Variants in ADGRL2 observed in about 807,000 individuals in gnomAD.
The protein encoded by ADGRL2 is calcium-independent alpha-latrotoxin receptor 2.
ADGRL2 carries 44 observed loss-of-function variants against 157.4 expected under a neutral mutation model. The observed-to-expected ratio is 0.28, with a 90% CI of 0.22 to 0.36. The LOEUF (loss-of-function observed/expected upper bound fraction) is 0.36. ADGRL2 is among the 10% of genes least tolerant of loss of function. ADGRL2 has a pLI of 1.00. For missense variants in ADGRL2, 1,510 were observed against 1,768.9 expected (o/e 0.85, Z 2.63); for synonymous variants, 585 against 624.7 (o/e 0.94, Z 0.95).
intron 1 of ADGRL2, among the ~76,000 whole-genome samples, chr1:81,330,049 T>C (rs1661168320): frequency 6.6e-6 from 1 of 152,130 alleles, no homozygotes; most frequent in Admixed American, 6.6e-5. Context: ...TAAATGGCAG[T>C]ATTTTCGGTC....
chr1:81,423,292 A>G (rs2077157499), intron 1 of ADGRL2, among the ~76,000 whole-genome samples: 2 of 152,230 alleles, frequency 1.3e-5, no homozygotes, highest in Admixed American at 1.3e-4. Context: ...ACTCATATTC[A>G]GGTCAAACTA....
intron 2 of ADGRL2, among the ~76,000 whole-genome samples, chr1:81,447,804 T>C (rs1009488285): frequency 2.6e-5 from 4 of 152,096 alleles, no homozygotes; most frequent in African/African-American, 7.2e-5. Context: ...CCCACCCAAA[T>C]CTCATGTTCA....
At chr1:81,695,753 G>A (rs577810251), upstream of ADGRL2, among the ~76,000 whole-genome samples, 1 of 151,778 alleles carries the variant, frequency 6.6e-6, no homozygotes, top group African/African-American at 2.4e-5. Context: ...GCTGGGAGGC[G>A]GAGGTTGCAG....
intron 2 of ADGRL2, among the ~76,000 whole-genome samples, chr1:81,559,992 T>A (rs921566768): frequency 2.0e-5 from 3 of 152,148 alleles, no homozygotes; most frequent in Admixed American, 6.6e-5. Context: ...TCTTAAAAGA[T>A]CAAAATATTA....
upstream of ADGRL2, among the ~76,000 whole-genome samples, chr1:81,797,351 C>T (rs1322427513): frequency 6.6e-6 from 1 of 152,074 alleles, no homozygotes; most frequent in Non-Finnish European, 1.5e-5. Context: ...AAACTCTAAT[C>T]ACAGGCAAAA....
chr1:81,640,209 G>A (rs2082191086), intron 3 of ADGRL2, among the ~76,000 whole-genome samples: 1 of 152,136 alleles, frequency 6.6e-6, no homozygotes, highest in African/African-American at 2.4e-5. Flanking sequence ...TGATAATGAG[G>A]AGGCCACCAT....
At chr1:81,969,450 G>C (rs1284297713) in intron 15 of ADGRL2, 63 bp downstream of exon 15, 1 of 1,073,346 alleles carries the variant, frequency 9.3e-7, no homozygotes, top group Non-Finnish European at 1.4e-6. Context: ...GGTGTGAGGT[G>C]ACATATGATA....
At chr1:81,940,624 C>T (rs1647548430) in intron 4 of ADGRL2, among the ~76,000 whole-genome samples, 1 of 151,562 alleles carries the variant, frequency 6.6e-6, no homozygotes, top group South Asian at 2.1e-4. Flanking sequence ...AGAAGGCCAA[C>T]ATTTAATCTT....
At chr1:81,632,404 C>T (rs1039533239) in intron 3 of ADGRL2, among the ~76,000 whole-genome samples, 1 of 152,118 alleles carries the variant, frequency 6.6e-6, no homozygotes, top group African/African-American at 2.4e-5. Flanking sequence ...AAGAAAATTT[C>T]AAACAGAGGG....
chr1:81,597,995 G>C lies in ADGRL2; in HGVS notation c.-143+17015G>C, dbSNP rs1057369638. On this transcript the variant is annotated intron_variant, in intron 3 of 24. Transcript: ENST00000370721. ...GCTCAATTAAGGGGTAAAGAAGCTGGAATATTTATCTACCAACTCTCCACC... is the reference window on the plus strand; with the variant it reads ...GCTCAATTAAGGGGTAAAGAAGCTGCAATATTTATCTACCAACTCTCCACC... Among the ~76,000 whole-genome samples, 4 of 152,302 alleles carry C rather than the reference G, an allele frequency of 2.6e-5. No homozygotes were observed. In the South Asian group the frequency reaches 6.2e-4, roughly 24 times the overall value.
At chr1:81,694,463 A>AT (rs942313837) in intron 3 of ADGRL2, among the ~76,000 whole-genome samples, 2 of 151,970 alleles carry the variant, frequency 1.3e-5, no homozygotes, top group African/African-American at 4.8e-5. Context: ...AAAATTAGTG[A>AT]TTAGCATTAC....
intron 2 of ADGRL2, among the ~76,000 whole-genome samples, chr1:81,898,031 G>A (rs1043006505): frequency 1.3e-5 from 2 of 152,110 alleles, no homozygotes; most frequent in African/African-American, 4.8e-5. Flanking sequence ...ATATGCTTGA[G>A]CCTAGAAGCT....
At chr1:81,688,885 C>G (rs553411900) in intron 3 of ADGRL2, among the ~76,000 whole-genome samples, 25 of 152,296 alleles carry the variant, frequency 1.6e-4, no homozygotes, top group African/African-American at 5.5e-4. Flanking sequence ...TACTCTCCCT[C>G]TTTTCCTATG....
At chr1:81,509,369 T>C (rs1240858543) in intron 2 of ADGRL2, among the ~76,000 whole-genome samples, 7 of 151,430 alleles carry the variant, frequency 4.6e-5, no homozygotes, top group Non-Finnish European at 1.0e-4. Flanking sequence ...CTAAGTGATA[T>C]GGTAAAAAAA....
At chr1:81,787,586 CG>C (rs2087115795) in intron 2 of ADGRL2, among the ~76,000 whole-genome samples, 2 of 151,856 alleles carry the variant, frequency 1.3e-5, no homozygotes, top group Admixed American at 6.6e-5. Flanking sequence ...ACCTGGGAGG[CG>C]GAGGTTGCAG....
chr1:81,962,581 C>A (rs1244295085), intron 11 of ADGRL2, among the ~76,000 whole-genome samples: 2 of 152,042 alleles, frequency 1.3e-5, no homozygotes, highest in African/African-American at 4.8e-5. Flanking sequence ...GGAAAATTTT[C>A]TCTACATTGA....
chr1:81,918,266 G>T (rs2094904557), intron 3 of ADGRL2, among the ~76,000 whole-genome samples: 1 of 152,144 alleles, frequency 6.6e-6, no homozygotes, highest in African/African-American at 2.4e-5. Context: ...TGCAAAGCCA[G>T]ATGTCATATT....
chr1:81,747,225 G>GTA (rs1254516650), intron 1 of ADGRL2, among the ~76,000 whole-genome samples: 3 of 144,862 alleles, frequency 2.1e-5, no homozygotes, highest in African/African-American at 7.7e-5. Flanking sequence ...GTGTATATAT[G>GTA]TATATATACA....
intron 2 of ADGRL2, among the ~76,000 whole-genome samples, chr1:81,488,697 AC>A (rs1418952619): frequency 1.3e-5 from 2 of 151,990 alleles, no homozygotes; most frequent in Non-Finnish European, 2.9e-5. Context: ...ACAGAATGAG[AC>A]CCTGTCTCAA....
Sources: allele counts gnomAD v4.1 joint callset (sites outside exome capture counted in the v4.1 genomes callset), GRCh38; gene constraint gnomAD v4.1.1; transcripts MANE v1.5; gene names NCBI Gene and HGNC (gene_info 2026-07-23, HGNC 2026-07-21).